The following SYT16 variants were observed in gnomAD, a reference collection of about 807,000 sequenced individuals.
SYT16 encodes the protein synaptotagmin-16.
SYT16 carries 42 observed loss-of-function variants against 61.4 expected under a neutral mutation model. That is an observed-to-expected ratio of 0.68 (90% confidence interval 0.53 to 0.89). SYT16 has a LOEUF of 0.89. Among genes scored for constraint, SYT16 ranks in the 40% least tolerant of loss-of-function variants. SYT16 has a pLI of 0.00. For missense variants in SYT16, 804 were observed against 807.3 expected (o/e 1.00, Z 0.05); for synonymous variants, 314 against 302.3 (o/e 1.04, Z -0.40).
intron 3 of SYT16, among the ~76,000 whole-genome samples, chr14:62,012,112 C>A (rs1417198097): frequency 6.6e-6 from 1 of 151,832 alleles, no homozygotes; most frequent in Non-Finnish European, 1.5e-5. Flanking sequence ...TGGCTTAAAA[C>A]AACACACATT....
chr14:61,922,399 GA>G, intron 1 of SYT16, among the ~76,000 whole-genome samples: 1 of 152,182 alleles, frequency 6.6e-6, no homozygotes, highest in East Asian at 1.9e-4. Flanking sequence ...GATGGAGCTG[GA>G]GTCCATTATC....
chr14:62,018,526 C>G (rs866788229), intron 3 of SYT16, among the ~76,000 whole-genome samples: 2 of 151,776 alleles, frequency 1.3e-5, no homozygotes, highest in Non-Finnish European at 2.9e-5. Context: ...AGGCTGGTCT[C>G]GAACTCCTGA....
chr14:61,934,860 C>CT (rs1158879814), intron 1 of SYT16, among the ~76,000 whole-genome samples: 1 of 152,198 alleles, frequency 6.6e-6, no homozygotes, highest in Non-Finnish European at 1.5e-5. Context: ...ACAAAGTGGA[C>CT]TTGCAATACA....
intron 2 of SYT16, among the ~76,000 whole-genome samples, chr14:61,976,239 G>A (rs2051793832): frequency 6.6e-6 from 1 of 152,286 alleles, no homozygotes; most frequent in African/African-American, 2.4e-5. Context: ...CCCCCTCCTG[G>A]TTGCTTTCAT....
intron 1 of SYT16, among the ~76,000 whole-genome samples, chr14:61,823,574 C>CAAAAAAAAAAAAAAAAA (rs55935256): frequency 1.4e-5 from 1 of 71,044 alleles, no homozygotes; most frequent in Non-Finnish European, 2.6e-5. Context: ...ACTAAAAATA[C>CAAAAAAAAAAAAAAAAA]AAAAAAAAAA....
intron 1 of SYT16, among the ~76,000 whole-genome samples, chr14:61,863,264 C>A (rs934904847): frequency 2.0e-5 from 3 of 150,552 alleles, no homozygotes; most frequent in Admixed American, 6.6e-5. Flanking sequence ...TCCTGTTGTT[C>A]CGCAACCTCT....
intron 2 of SYT16, among the ~76,000 whole-genome samples, chr14:61,972,353 A>G (rs965122699): frequency 3.9e-5 from 6 of 152,226 alleles, no homozygotes; most frequent in Admixed American, 1.3e-4. Flanking sequence ...TTATCTGAAT[A>G]TTTTAGAGAC....
At chr14:62,050,639 G>C (rs1388435800) in intron 3 of SYT16, among the ~76,000 whole-genome samples, 1 of 152,186 alleles carries the variant, frequency 6.6e-6, no homozygotes, top group Non-Finnish European at 1.5e-5. Context: ...GTGACGTACA[G>C]ATGGGTTTTT....
At chr14:61,846,771 T>A (rs201137460) in intron 1 of SYT16, among the ~76,000 whole-genome samples, 11,890 of 152,218 alleles carry the variant, frequency 0.078, 524 homozygotes, top group Non-Finnish European at 0.1. Flanking sequence ...GAAGGTAATT[T>A]TTTTCTGGTG....
At chr14:62,059,258 C>T (rs1364263687) in intron 3 of SYT16, among the ~76,000 whole-genome samples, 1 of 152,174 alleles carries the variant, frequency 6.6e-6, no homozygotes, top group Non-Finnish European at 1.5e-5. Flanking sequence ...AAACAGCCCT[C>T]AATTTATCGG....
At chr14:61,988,546 A>G (rs952601151) in intron 2 of SYT16, among the ~76,000 whole-genome samples, 26 of 152,228 alleles carry the variant, frequency 1.7e-4, no homozygotes, top group African/African-American at 6.0e-4. Context: ...GCAATGTACA[A>G]CTTTTATTGA....
At chr14:62,036,863 T>C (rs1176602003) in intron 3 of SYT16, among the ~76,000 whole-genome samples, 1 of 152,092 alleles carries the variant, frequency 6.6e-6, no homozygotes, top group Non-Finnish European at 1.5e-5. Flanking sequence ...AGGCACACCA[T>C]ATACTGAGCA....
At chr14:61,935,623 C>T (rs1323267986) in intron 1 of SYT16, among the ~76,000 whole-genome samples, 1 of 152,278 alleles carries the variant, frequency 6.6e-6, no homozygotes, top group East Asian at 1.9e-4. Flanking sequence ...AGAGTCGACA[C>T]GTGGCAGTTT....
At chr14:61,852,874 A>G (rs1056752370) in intron 1 of SYT16, among the ~76,000 whole-genome samples, 18 of 152,214 alleles carry the variant, frequency 1.2e-4, no homozygotes, top group African/African-American at 4.3e-4. Flanking sequence ...TACTGTAAAC[A>G]CAGAGGTTTA....
intron 1 of SYT16, among the ~76,000 whole-genome samples, chr14:61,898,450 G>A (rs1418848567): frequency 6.6e-6 from 1 of 152,200 alleles, no homozygotes. Context: ...TTAGAAATAT[G>A]ACAGTAGAGA....
chr14:61,950,937 A>T (rs1033179135), intron 1 of SYT16, among the ~76,000 whole-genome samples: 1 of 152,234 alleles, frequency 6.6e-6, no homozygotes, highest in Non-Finnish European at 1.5e-5. Context: ...CCCCATAGGA[A>T]GAGGTTCCTA....
chr14:62,014,790 C>G (rs570973052), intron 3 of SYT16, among the ~76,000 whole-genome samples: 1 of 151,992 alleles, frequency 6.6e-6, no homozygotes, highest in Non-Finnish European at 1.5e-5. Flanking sequence ...TTTCCCCCTC[C>G]GAATGTTCAT....
At chr14:62,039,834 T>TACAC (rs71449576) in intron 3 of SYT16, among the ~76,000 whole-genome samples, 8,162 of 124,296 alleles carry the variant, frequency 0.066, 353 homozygotes, top group East Asian at 0.15. Context: ...GGCTTAAGCA[T>TACAC]ACACACACAC....
intron 1 of SYT16, among the ~76,000 whole-genome samples, chr14:61,925,119 T>C (rs1235770671): frequency 6.6e-6 from 1 of 152,262 alleles, no homozygotes; most frequent in Non-Finnish European, 1.5e-5. Flanking sequence ...GGTTGTTCTA[T>C]TCCTAAGGAA....
Sources: gnomAD v4.1 joint callset for allele counts (sites outside exome capture counted in the v4.1 genomes callset) on GRCh38, gnomAD v4.1.1 for gene constraint, MANE v1.5 for transcripts, NCBI Gene and HGNC (gene_info 2026-07-23, HGNC 2026-07-21) for gene names.